Variants in SORCS1 observed in about 807,000 individuals in gnomAD.
SORCS1 encodes the protein VPS10 domain-containing receptor SorCS1.
Under a neutral mutation model 146.1 loss-of-function variants are expected in SORCS1, and 60 were observed. That is an observed-to-expected ratio of 0.41 (90% confidence interval 0.33 to 0.51). The LOEUF (loss-of-function observed/expected upper bound fraction) is 0.51. Among genes scored for constraint, SORCS1 ranks in the 20% least tolerant of loss-of-function variants. The pLI is 0.21. For synonymous variants in SORCS1, 637 were observed against 584.0 expected (o/e 1.09, Z -1.31); for missense variants, 1,352 against 1,487.6 (o/e 0.91, Z 1.50).
intron 1 of SORCS1, among the ~76,000 whole-genome samples, chr10:107,163,664 C>G (rs973731624): frequency 1.3e-5 from 2 of 152,052 alleles, no homozygotes; most frequent in Non-Finnish European, 2.9e-5. Flanking sequence ...GAACTTTAAC[C>G]CCTCTGTTTA....
chr10:107,038,690 AG>A (rs757552931), intron 1 of SORCS1, among the ~76,000 whole-genome samples: 185 of 64,752 alleles, frequency 2.9e-3, no homozygotes, highest in Non-Finnish European at 5.0e-3. Flanking sequence ...AACCCTGGGC[AG>A]GGGGCGGGGG....
Position 106,611,401 on chromosome 10 carries a change from T to TA in SORCS1, c.3033+509dup, listed in dbSNP as rs201156298. Among the ~76,000 whole-genome samples the TA allele has an allele frequency of 6.0e-3, 910 of 152,250 alleles. 24 individuals are homozygous for TA. The highest frequency in any genetic ancestry group is 0.049 in the Admixed American group (745 of 15,292). On this transcript the variant is annotated intron_variant, in intron 22 of 25. Coordinates refer to ENST00000263054, the MANE Select transcript of SORCS1 (RefSeq NM_052918.5). The stretch of plus-strand genomic sequence containing the variant: ...GGCTGTTACAGTACAGAAATTTCTT[T>TA]AAAAAAATGAGGAAATAGAAATATG...
At chr10:107,157,408 G>GT (rs932393471) in intron 1 of SORCS1, among the ~76,000 whole-genome samples, 7 of 152,070 alleles carry the variant, frequency 4.6e-5, no homozygotes, top group African/African-American at 1.7e-4. Context: ...GGAACATCTT[G>GT]TTTTTTTTAT....
intron 1 of SORCS1, among the ~76,000 whole-genome samples, chr10:107,009,512 T>C (rs763459550): frequency 2.0e-5 from 3 of 152,338 alleles, no homozygotes; most frequent in Non-Finnish European, 4.4e-5. Flanking sequence ...TAGAATATAG[T>C]TTTTAGTAGC....
intron 2 of SORCS1, among the ~76,000 whole-genome samples, chr10:106,914,640 C>T (rs1176160317): frequency 2.0e-5 from 3 of 152,162 alleles, no homozygotes; most frequent in Admixed American, 6.5e-5. Context: ...CTGAAAAAGG[C>T]ATGAATTGAC....
At chr10:106,631,988 A>C (rs754654335) in intron 18 of SORCS1, among the ~76,000 whole-genome samples, 1 of 152,168 alleles carries the variant, frequency 6.6e-6, no homozygotes, top group Non-Finnish European at 1.5e-5. Context: ...GAAAGGATGG[A>C]GCTACTCAAT....
chr10:106,827,916 G>T lies in SORCS1; in HGVS notation c.726+1658C>A, dbSNP rs545409729. On this transcript the variant is annotated intron_variant, in intron 3 of 25. Coordinates refer to ENST00000263054, the MANE Select transcript of SORCS1 (RefSeq NM_052918.5). Reference sequence around the variant, plus strand: ...CTAGCCATATTTCAAACATTCAAAAGCCATAAATTGTTAATGTCTAAAGTA... The same window carrying T: ...CTAGCCATATTTCAAACATTCAAAATCCATAAATTGTTAATGTCTAAAGTA... Among the ~76,000 whole-genome samples, 14 of 152,238 alleles carry T rather than the reference G, an allele frequency of 9.2e-5. No individual in the cohort carries two copies. The East Asian group carries it at 2.7e-3, about 29-fold the overall frequency.
intron 2 of SORCS1, among the ~76,000 whole-genome samples, chr10:106,851,006 C>T (rs1286432866): frequency 6.6e-6 from 1 of 152,164 alleles, no homozygotes; most frequent in Non-Finnish European, 1.5e-5. Context: ...ACAACAGGTC[C>T]CAGTGTTCTA....
At position 106,818,786 on chromosome 10, in the gene SORCS1, G is replaced by A. The variant is rs79675610; in HGVS notation, c.726+10788C>T. Among the ~76,000 whole-genome samples, 20 of 152,304 alleles carry A rather than the reference G, an allele frequency of 1.3e-4. No individual in the cohort carries two copies. In the East Asian group the frequency reaches 3.9e-3, roughly 29 times the overall value. On this transcript the variant is annotated intron_variant, in intron 3 of 25. Coordinates refer to ENST00000263054, the MANE Select transcript of SORCS1 (RefSeq NM_052918.5). ...ATGCATTGTGCGCTTGTGGACACTA[G>A]TTTCTCATAGTACATACACCGAAAG...
chr10:106,591,356 A>G (rs1016028737), intron 24 of SORCS1, among the ~76,000 whole-genome samples: 1 of 152,070 alleles, frequency 6.6e-6, no homozygotes, highest in Non-Finnish European at 1.5e-5. Context: ...AACACCTGCC[A>G]TAAGAAAAAA....
chr10:107,121,283 C>T (rs1409731549), intron 1 of SORCS1, among the ~76,000 whole-genome samples: 1 of 152,084 alleles, frequency 6.6e-6, no homozygotes, highest in Non-Finnish European at 1.5e-5. Flanking sequence ...TCCTGAGAGC[C>T]ATTTTTGACA....
chr10:107,068,810 C>T (rs1286313571), intron 1 of SORCS1, among the ~76,000 whole-genome samples: 2 of 147,374 alleles, frequency 1.4e-5, no homozygotes, highest in African/African-American at 5.1e-5. Context: ...GCAGAGCTTG[C>T]AGTGAGAAGA....
At chr10:106,983,188 C>CTATATATACATATTTCTATATATAAA (rs1188274330) in intron 1 of SORCS1, among the ~76,000 whole-genome samples, 228 of 146,514 alleles carry the variant, frequency 1.6e-3, no homozygotes, top group Non-Finnish European at 2.6e-3. Context: ...ACATATTTCT[C>CTATATATACATATTTCTATATATAAA]TATATATACA....
rs1590284381 is a variant in SORCS1, at chr10:107,164,104, C to T, written c.423G>A (p.Gly141=). 1 of 1,613,950 alleles carries T rather than the reference C, an allele frequency of 6.2e-7. No individual in the cohort carries two copies. Residue 141 remains glycine (G), a synonymous_variant, in exon 1 of 26, where the codon GGG becomes GGA. Transcript: ENST00000263054. The surrounding 1 kb of genome is among the most constrained non-coding windows in gnomAD (Gnocchi z 6.8). ...VLRDGGQQEP[G]TRERDPDKAT... ...CTTTGTCCGGGTCCCGCTCCCGAGT[C>T]CCAGGCTCCTGCTGCCCTCCATCTC...
At chr10:107,163,067 T>C (rs1029113793) in intron 1 of SORCS1, among the ~76,000 whole-genome samples, 4 of 152,258 alleles carry the variant, frequency 2.6e-5, no homozygotes, top group Non-Finnish European at 4.4e-5. Flanking sequence ...ATTGCAGACA[T>C]GCAAGCTTTT....
chr10:106,781,412 C>T (rs1860886735), intron 3 of SORCS1, among the ~76,000 whole-genome samples: 2 of 152,128 alleles, frequency 1.3e-5, no homozygotes, highest in Non-Finnish European at 2.9e-5. Flanking sequence ...TAATGGGCTG[C>T]TGTGTGGATA....
At chr10:107,113,833 G>C (rs1965853818) in intron 1 of SORCS1, among the ~76,000 whole-genome samples, 1 of 151,732 alleles carries the variant, frequency 6.6e-6, no homozygotes, top group African/African-American at 2.4e-5. Context: ...ATGAAATAGA[G>C]ACTAAAAAGA....
intron 18 of SORCS1, among the ~76,000 whole-genome samples, chr10:106,648,225 T>C (rs1008152375): frequency 6.6e-6 from 1 of 152,198 alleles, no homozygotes; most frequent in Non-Finnish European, 1.5e-5. Flanking sequence ...TTTACTTGTC[T>C]TACTTTGGAT....
intron 2 of SORCS1, among the ~76,000 whole-genome samples, chr10:106,892,896 T>A (rs531437311): frequency 2.5e-3 from 112 of 44,072 alleles, no homozygotes; most frequent in African/African-American, 0.012. Context: ...TGGAAAGCCC[T>A]TTTTTTTTTT....
Sources: gnomAD v4.1 joint callset for allele counts (sites outside exome capture counted in the v4.1 genomes callset) on GRCh38, gnomAD v4.1.1 for gene constraint, Gnocchi (gnomAD v3.1) non-coding constraint, MANE v1.5 for transcripts, NCBI Gene and HGNC (gene_info 2026-07-23, HGNC 2026-07-21) for gene names.